MCUB: variants seen among roughly 807,000 people sequenced by gnomAD.
The protein encoded by MCUB is mitochondrial calcium uniporter dominant negative subunit beta.
In MCUB, 46 loss-of-function variants were observed where a neutral mutation model predicts 41.4. That is an observed-to-expected ratio of 1.11 (90% CI 0.88 to 1.42). The LOEUF is 1.42. Ranked by LOEUF, MCUB falls within the 40% of genes most tolerant of loss-of-function variation. The pLI, the probability that MCUB is intolerant of heterozygous loss-of-function variation, is 0.00. For missense variants in MCUB, 403 were observed against 404.9 expected (o/e 1.00, Z 0.04); for synonymous variants, 148 against 148.2 (o/e 1.00, Z 0.01).
intron 4 of MCUB, among the ~76,000 whole-genome samples, chr4:109,674,855 A>ATG (rs1481679164): frequency 6.6e-6 from 1 of 152,248 alleles, no homozygotes; most frequent in Admixed American, 6.5e-5. Flanking sequence ...CACTTTTTAA[A>ATG]TGTGTGTGTT....
chr4:109,609,669 T>C (rs1727956089), intron 1 of MCUB, among the ~76,000 whole-genome samples: 1 of 152,180 alleles, frequency 6.6e-6, no homozygotes, highest in Admixed American at 6.5e-5. Context: ...CAGATGCCTC[T>C]TGAAACAATC....
chr4:109,652,268 G>A (rs963776568), intron 1 of MCUB, among the ~76,000 whole-genome samples: 4 of 152,100 alleles, frequency 2.6e-5, no homozygotes, highest in Non-Finnish European at 5.9e-5. Context: ...TGCAGGGGGT[G>A]GGGCACAGTT....
intron 1 of MCUB, among the ~76,000 whole-genome samples, chr4:109,569,816 A>T (rs1726871272): frequency 6.6e-6 from 1 of 152,102 alleles, no homozygotes; most frequent in African/African-American, 2.4e-5. Context: ...TCTCTGTGTT[A>T]CAGCAGCTCT....
intron 1 of MCUB, among the ~76,000 whole-genome samples, chr4:109,648,903 A>T (rs990198887): frequency 6.6e-6 from 1 of 152,142 alleles, no homozygotes; most frequent in African/African-American, 2.4e-5. Context: ...CTTGCCTCAC[A>T]CAAGAATTTC....
At chr4:109,630,764 A>G (rs1728458082) in intron 1 of MCUB, among the ~76,000 whole-genome samples, 1 of 152,130 alleles carries the variant, frequency 6.6e-6, no homozygotes, top group South Asian at 2.1e-4. Context: ...TATTTTTAGT[A>G]GAGACGGAGT....
At chr4:109,669,183 T>G (rs1015841293) in intron 4 of MCUB, among the ~76,000 whole-genome samples, 3 of 152,216 alleles carry the variant, frequency 2.0e-5, no homozygotes, top group African/African-American at 7.2e-5. Flanking sequence ...TCTGAAGAAC[T>G]TCTTTTAATA....
intron 4 of MCUB, among the ~76,000 whole-genome samples, chr4:109,670,605 A>G (rs1208658746): frequency 6.6e-6 from 1 of 151,872 alleles, no homozygotes; most frequent in Non-Finnish European, 1.5e-5. Context: ...AATCACAGGT[A>G]CTCGGGAGGC....
At chr4:109,629,062 A>G (rs149900324) in intron 1 of MCUB, among the ~76,000 whole-genome samples, 300 of 152,230 alleles carry the variant, frequency 2.0e-3, no homozygotes, top group African/African-American at 7.0e-3. Flanking sequence ...CGAAATTTAG[A>G]TTATGTTTTC....
intron 1 of MCUB, among the ~76,000 whole-genome samples, chr4:109,612,923 G>T (rs552560429): frequency 9.2e-5 from 14 of 152,022 alleles, no homozygotes; most frequent in Non-Finnish European, 1.9e-4. Context: ...TGGCTAACAC[G>T]GTGAAATCCC....
intron 4 of MCUB, chr4:109,674,002 AC>A (rs2126148751): frequency 8.9e-7 from 1 of 1,119,124 alleles, no homozygotes; most frequent in African/African-American, 1.5e-5. Flanking sequence ...CAGGGGAAAT[AC>A]TAAAATGTCC....
At chr4:109,617,893 G>T (rs746034618) in intron 1 of MCUB, among the ~76,000 whole-genome samples, 6 of 152,148 alleles carry the variant, frequency 3.9e-5, no homozygotes, top group Non-Finnish European at 8.8e-5. Context: ...ATTTAGGGAA[G>T]ATCAGAATAA....
intron 4 of MCUB, among the ~76,000 whole-genome samples, chr4:109,682,304 CAA>C (rs1172321877): frequency 6.9e-6 from 1 of 145,312 alleles, no homozygotes; most frequent in African/African-American, 2.6e-5. Flanking sequence ...ATCCTTATGC[CAA>C]AGTCATTTTT....
intron 1 of MCUB, among the ~76,000 whole-genome samples, chr4:109,607,560 T>C (rs148169600): frequency 5.3e-5 from 8 of 152,362 alleles, no homozygotes; most frequent in Admixed American, 2.0e-4. Context: ...GCATTTCTTG[T>C]AGAACAGGTC....
chr4:109,604,336 T>C (rs952707636), intron 1 of MCUB, among the ~76,000 whole-genome samples: 2 of 152,052 alleles, frequency 1.3e-5, no homozygotes, highest in African/African-American at 4.8e-5. Context: ...CCTGTGACCC[T>C]GCCAAATCCC....
At chr4:109,605,610 A>G (rs945072656) in intron 1 of MCUB, among the ~76,000 whole-genome samples, 1 of 152,176 alleles carries the variant, frequency 6.6e-6, no homozygotes, top group African/African-American at 2.4e-5. Context: ...TGATCTATCC[A>G]TTGGTGAAAG....
At chr4:109,570,842 G>A (rs1726896970) in intron 1 of MCUB, among the ~76,000 whole-genome samples, 1 of 152,228 alleles carries the variant, frequency 6.6e-6, no homozygotes, top group South Asian at 2.1e-4. Flanking sequence ...GGAAAAACAG[G>A]AGGAATGTAA....
At chr4:109,608,076 A>G (rs1276014044) in intron 1 of MCUB, among the ~76,000 whole-genome samples, 1 of 152,026 alleles carries the variant, frequency 6.6e-6, no homozygotes, top group African/African-American at 2.4e-5. Context: ...TTCATTTTTT[A>G]AAATTCTCTT....
intron 1 of MCUB, among the ~76,000 whole-genome samples, chr4:109,622,536 G>A (rs1728269749): frequency 6.6e-6 from 1 of 152,202 alleles, no homozygotes; most frequent in Non-Finnish European, 1.5e-5. Flanking sequence ...TGGACTGCAA[G>A]GATGTTTCGT....
At chr4:109,595,251 C>T (rs1383425821) in intron 1 of MCUB, among the ~76,000 whole-genome samples, 22 of 152,170 alleles carry the variant, frequency 1.4e-4, no homozygotes, top group African/African-American at 5.1e-4. Context: ...TCATCTCATA[C>T]ATGTTTGCAG....
Sources: gnomAD v4.1 joint callset for allele counts (sites outside exome capture counted in the v4.1 genomes callset) on GRCh38, gnomAD v4.1.1 for gene constraint, MANE v1.5 for transcripts, NCBI Gene and HGNC (gene_info 2026-07-23, HGNC 2026-07-21) for gene names.